Variants in MAP3K13 observed in about 807,000 individuals in gnomAD.
MAP3K13 encodes mitogen-activated protein kinase kinase kinase 13.
MAP3K13 carries 52 observed loss-of-function variants against 104.0 expected under a neutral mutation model. The observed-to-expected ratio is 0.50, with a 90% CI of 0.40 to 0.63. MAP3K13 has a LOEUF of 0.63. MAP3K13 is among the 20% of genes least tolerant of loss of function. The pLI is 0.00. For missense variants in MAP3K13, 914 were observed against 1,218.5 expected, an observed-to-expected ratio of 0.75 and a Z score of 3.72; for synonymous variants, 394 against 442.2, an observed-to-expected ratio of 0.89 and a Z score of 1.37.
At chr3:185,318,540 A>C (rs1721754738) in intron 2 of MAP3K13, among the ~76,000 whole-genome samples, 1 of 152,226 alleles carries the variant, frequency 6.6e-6, no homozygotes, top group African/African-American at 2.4e-5. Context: ...ATTTCATTTA[A>C]TGTTAAAATT....
In MAP3K13 at chr3:185,441,631, A is replaced by T. The variant is rs913654341; in HGVS notation, c.660-1814A>T. Among the ~76,000 whole-genome samples, 19 of 152,322 alleles carry T rather than the reference A, an allele frequency of 1.2e-4. No individual in the cohort carries two copies. The South Asian group carries it at 3.5e-3, about 28-fold the overall frequency. ...ATAATATGTTGTATAGGCTGGATGC[A>T]GTAGCTCACGCCTGTAATCCCAGCA... On this transcript the variant is annotated intron_variant, in intron 3 of 13. Coordinates refer to ENST00000265026, the MANE Select transcript of MAP3K13 (RefSeq NM_004721.5).
intron 2 of MAP3K13, among the ~76,000 whole-genome samples, chr3:185,304,348 A>G (rs1721207579): frequency 6.6e-6 from 1 of 152,162 alleles, no homozygotes; most frequent in African/African-American, 2.4e-5. Flanking sequence ...GTAGGGTTGT[A>G]TAAGTCATCT....
intron 2 of MAP3K13, among the ~76,000 whole-genome samples, chr3:185,320,455 G>C (rs1721816280): frequency 6.6e-6 from 1 of 152,020 alleles, no homozygotes; most frequent in Non-Finnish European, 1.5e-5. Flanking sequence ...TCTTAAAATT[G>C]GTTTTCTTTT....
intron 1 of MAP3K13, among the ~76,000 whole-genome samples, chr3:185,283,898 CTTTTTTT>C (rs1201384582): frequency 1.3e-4 from 16 of 127,380 alleles, no homozygotes; most frequent in Admixed American, 4.0e-4. Flanking sequence ...TTCTTTCTTT[CTTTTTTT>C]TTTTTTTTTT....
In MAP3K13 at chr3:185,451,349, C is replaced by G. The variant is rs777060249; in HGVS notation, c.1232C>G (p.Ser411Cys). ...RQTLMHLDIASADVLATPQET... is the reference protein window; with the variant it reads ...RQTLMHLDIACADVLATPQET... ...ACACTCATGCATTTAGACATTGCCT[C>G]TGCAGATGTACTTGCCACCCCACAA... is the stretch of plus-strand genomic sequence containing the variant. Residue 411 changes from serine (S) to cysteine (C), a missense_variant, in exon 7 of 14, where the codon TCT becomes TGT. Physicochemically the swap from Ser to Cys is moderately radical, Grantham distance 112. This residue lies in a region of MAP3K13 where 583 missense variants were observed against 737.4 expected (regional missense o/e 0.79). Coordinates refer to ENST00000265026, the MANE Select transcript of MAP3K13 (RefSeq NM_004721.5). The G allele has an allele frequency of 1.9e-6, 3 of 1,613,838 alleles. No individual in the cohort carries two copies. The highest frequency in any genetic ancestry group is 2.2e-5 in the South Asian group (2 of 91,074).
At position 185,454,722 on chromosome 3, in the gene MAP3K13, TATGATA is replaced by T. The variant is rs1716251370; in HGVS notation, c.1278+3328_1278+3333del. On this transcript the variant is annotated intron_variant, in intron 7 of 13. Coordinates refer to ENST00000265026, the MANE Select transcript of MAP3K13 (RefSeq NM_004721.5). ...ATATATATATCATATATGAGATATATATGATATATATGATATATATATCATATATAT... is the reference window on the plus strand; with the variant it reads ...ATATATATATCATATATGAGATATATTATATGATATATATATCATATATAT... 1.7e-4 allele frequency among the ~76,000 whole-genome samples: 4 copies of T among 23,508 alleles called. 1 individual carries two copies. In the South Asian group the frequency reaches 0.011, roughly 66 times the overall value. 15.4% of individuals were successfully genotyped at this position (23,508 alleles called of 152,430 possible).
At chr3:185,460,424 A>T (rs1311841138) in intron 7 of MAP3K13, among the ~76,000 whole-genome samples, 2 of 152,168 alleles carry the variant, frequency 1.3e-5, no homozygotes, top group Non-Finnish European at 2.9e-5. Context: ...CCTTGTAGTG[A>T]AACGATGGGA....
At chr3:185,386,816 C>T (rs1056336621) in intron 1 of MAP3K13, among the ~76,000 whole-genome samples, 1 of 152,104 alleles carries the variant, frequency 6.6e-6, no homozygotes, top group Admixed American at 6.5e-5. Context: ...AACCAAATAC[C>T]ACATGTTCTC....
intron 11 of MAP3K13, 90 bp from the exon 12 acceptor site, chr3:185,477,236 T>A (rs2148927375): frequency 1.2e-6 from 1 of 821,164 alleles, no homozygotes; most frequent in Non-Finnish European, 2.1e-6. Flanking sequence ...CTTTTGATGA[T>A]AATTACATTT....
intron 2 of MAP3K13, among the ~76,000 whole-genome samples, chr3:185,356,279 G>C (rs1010328703): frequency 6.6e-6 from 1 of 152,162 alleles, no homozygotes; most frequent in African/African-American, 2.4e-5. Flanking sequence ...TTTTAATTTG[G>C]TTTTCTTGAA....
intron 2 of MAP3K13, among the ~76,000 whole-genome samples, chr3:185,347,260 C>T (rs1722963614): frequency 6.6e-6 from 1 of 152,118 alleles, no homozygotes; most frequent in Admixed American, 6.5e-5. Context: ...GCTGGGATTA[C>T]AGGCATGAAC....
intron 2 of MAP3K13, chr3:185,329,367 A>C (rs1722162874): frequency 1.6e-6 from 1 of 621,286 alleles, no homozygotes; most frequent in Non-Finnish European, 2.9e-6. Context: ...CATGTCAGCA[A>C]ATATTTAGCA....
At chr3:185,321,044 G>GCA (rs61494522) in intron 2 of MAP3K13, among the ~76,000 whole-genome samples, 116,955 of 150,850 alleles carry the variant, frequency 0.78, 45,897 homozygotes, top group Non-Finnish European at 0.84. Flanking sequence ...TTATATGCGT[G>GCA]CACACATATA....
chr3:185,449,533 G>C (rs530963246), intron 5 of MAP3K13, among the ~76,000 whole-genome samples: 67 of 151,762 alleles, frequency 4.4e-4, no homozygotes, highest in African/African-American at 1.5e-3. Context: ...TTTTTTCCTA[G>C]CTGTTCCAAC....
Position 185,454,885 on chromosome 3 carries a change from T to TATATATATGAGATATATATC in MAP3K13, c.1278+3509_1278+3510insCATATATATGAGATATATAT, listed in dbSNP as rs1553808305. Among the ~76,000 whole-genome samples, 202 of 68,036 alleles carry TATATATATGAGATATATATC rather than the reference T, an allele frequency of 3.0e-3. 17 individuals carry two copies. Among genetic ancestry groups the TATATATATGAGATATATATC allele is most frequent in the East Asian group, 0.014 (32 of 2,340 alleles). The allele number at this position is 68,036 out of a possible 152,430, so 44.6% of individuals were successfully genotyped here. A position where few individuals can be genotyped will look rare whatever the true frequency, so the allele number is the denominator to read the frequency against. On this transcript the variant is annotated intron_variant, in intron 7 of 13. Coordinates refer to ENST00000265026, the MANE Select transcript of MAP3K13 (RefSeq NM_004721.5). ...ATATATATATGAGATATATATATGA[T>TATATATATGAGATATATATC]ATATATATGAGATATATATATGATA... is the stretch of plus-strand genomic sequence containing the variant.
chr3:185,325,635 C>G (rs1405249014), intron 2 of MAP3K13, among the ~76,000 whole-genome samples: 1 of 152,174 alleles, frequency 6.6e-6, no homozygotes, highest in Admixed American at 6.5e-5. Context: ...TATGATCAGA[C>G]TGGCTGTGAA....
At chr3:185,317,279 A>G (rs1382151904) in intron 2 of MAP3K13, among the ~76,000 whole-genome samples, 1 of 152,188 alleles carries the variant, frequency 6.6e-6, no homozygotes, top group Non-Finnish European at 1.5e-5. Context: ...GCCAAGGGTG[A>G]AACTAGAGGT....
intron 1 of MAP3K13, among the ~76,000 whole-genome samples, chr3:185,283,948 T>A (rs1353712390): frequency 1.4e-5 from 2 of 147,484 alleles, no homozygotes; most frequent in East Asian, 4.0e-4. Flanking sequence ...GTCGCCAGGC[T>A]GAAGTACAGT....
In MAP3K13 at chr3:185,488,349, A is replaced by C. The variant is rs1334728309; in HGVS notation, c.*5893A>C. 1 of 152,174 alleles carries C rather than the reference A, an allele frequency of 6.6e-6. No individual in the cohort carries two copies. The highest frequency in any genetic ancestry group is 1.5e-5 in the Non-Finnish European group (1 of 68,048). The allele number at this position is 152,174 out of a possible 1,614,324, so 9.4% of individuals were successfully genotyped here. ...TCACAGACTGGCACATTAGAATCAT[A>C]TTAATCTGCTTGTTTGCATGTTACA... On this transcript the variant is annotated 3_prime_UTR_variant, in exon 14 of 14. Coordinates refer to ENST00000265026, the MANE Select transcript of MAP3K13 (RefSeq NM_004721.5).
Sources: gnomAD v4.1 joint callset for allele counts (sites outside exome capture counted in the v4.1 genomes callset) on GRCh38, gnomAD v4.1.1 for gene constraint, gnomAD v4.1.1 regional missense constraint, MANE v1.5 for transcripts, NCBI Gene and HGNC (gene_info 2026-07-23, HGNC 2026-07-21) for gene names.